ZFHX3: variants seen among roughly 807,000 people sequenced by gnomAD.
The protein encoded by ZFHX3 is zinc finger homeobox 3.
A neutral mutation model predicts 279.1 loss-of-function variants in ZFHX3; 42 were observed. That is an observed-to-expected ratio of 0.15 (90% CI 0.12 to 0.19). ZFHX3 has a LOEUF of 0.19. Among genes scored for constraint, ZFHX3 ranks in the 10% least tolerant of loss-of-function variants. The probability of loss-of-function intolerance (pLI) is 1.00; values close to 1 mark genes in which losing one functional copy is unlikely to be tolerated. For missense variants in ZFHX3, 4,981 were observed against 4,754.0 expected (o/e 1.05, Z -1.40); for synonymous variants, 2,293 against 1,957.8 (o/e 1.17, Z -4.52).
At chr16:73,820,098 C>A (rs1016069568) in intron 1 of ZFHX3, among the ~76,000 whole-genome samples, 1 of 151,030 alleles carries the variant, frequency 6.6e-6, no homozygotes, top group Non-Finnish European at 1.5e-5. Context: ...GGGAGTAAGT[C>A]TTTTTTTTTG....
chr16:73,589,854 C>T (rs2051975753), intron 2 of ZFHX3, among the ~76,000 whole-genome samples: 1 of 143,716 alleles, frequency 7.0e-6, no homozygotes, highest in African/African-American at 2.6e-5. Flanking sequence ...AATGCCTGAA[C>T]ACTGAAAGTA....
rs374416547 is a variant in ZFHX3, at chr16:72,787,694, AGCC to A, written c.10579_10581del (p.Gly3527del). ...CTCTCGCACGCCAGGCAGTGGTACG[AGCC>A]GCCGCCGCCGCCGCCGCCGCCACCG... On this transcript the variant is annotated inframe_deletion, in exon 10 of 10. Transcript: ENST00000268489. The A allele has an allele frequency of 1.7e-3, 2,363 of 1,407,388 alleles. 11 individuals are homozygous for A. The highest frequency in any genetic ancestry group is 0.016 in the East Asian group (525 of 32,994). The allele number at this position is 1,407,388 out of a possible 1,614,324, so 87.2% of individuals were successfully genotyped here. A position where few individuals can be genotyped will look rare whatever the true frequency, so the allele number is the denominator to read the frequency against.
intron 4 of ZFHX3, among the ~76,000 whole-genome samples, chr16:72,871,382 G>A (rs780615773): frequency 2.1e-5 from 3 of 141,390 alleles, no homozygotes; most frequent in Non-Finnish European, 3.0e-5. Flanking sequence ...TCACTCTGTT[G>A]CCAGGCTGGA....
intron 1 of ZFHX3, among the ~76,000 whole-genome samples, chr16:73,889,629 A>G (rs980616652): frequency 1.2e-4 from 18 of 152,220 alleles, no homozygotes; most frequent in Non-Finnish European, 1.9e-4. Flanking sequence ...CAAAGGAGGC[A>G]AGTGGATTCA....
At chr16:73,180,855 G>A (rs761766718) in intron 5 of ZFHX3, among the ~76,000 whole-genome samples, 3 of 151,970 alleles carry the variant, frequency 2.0e-5, no homozygotes, top group Non-Finnish European at 4.4e-5. Context: ...TTGAGACAGG[G>A]TTTCACCATT....
chr16:73,325,156 G>T (rs777826190), intron 3 of ZFHX3, among the ~76,000 whole-genome samples: 9 of 152,164 alleles, frequency 5.9e-5, no homozygotes, highest in Non-Finnish European at 1.2e-4. Flanking sequence ...CAGGCAAGAG[G>T]CAATATGGTA....
At position 72,794,957 on chromosome 16, in the gene ZFHX3, C is replaced by T. The variant is rs764026645; in HGVS notation, c.7725G>A (p.Met2575Ile). ...FLDRSLDMPF[M>I]LFDPSNPLLA... ...GGAGTGGGTTACTGGGATCAAAGAG[C>T]ATGAAAGGCATATCCAGGGACCTGT... is the stretch of plus-strand genomic sequence containing the variant. The change falls in exon 9 of 10, where the codon ATG (methionine) becomes ATA (isoleucine). Residue 2575 changes from methionine to isoleucine, a missense_variant. By Grantham distance (10) the Met-to-Ile change is conservative (BLOSUM62 1). This residue lies in a region of ZFHX3 where 744 missense variants were observed against 701.3 expected (regional missense o/e 1.06). Coordinates refer to ENST00000268489, the MANE Select transcript of ZFHX3 (RefSeq NM_006885.4). This position sits in a 1 kb window ranked among gnomAD's most constrained non-coding sequence, Gnocchi z 4.2. The T allele has an allele frequency of 1.2e-6, 2 of 1,614,156 alleles. No individual in the cohort carries two copies. The highest frequency in any genetic ancestry group is 1.3e-5 in the African/African-American group (1 of 75,042).
chr16:73,049,037 A>C (rs1303717401), upstream of ZFHX3, among the ~76,000 whole-genome samples: 1 of 152,148 alleles, frequency 6.6e-6, no homozygotes, highest in Non-Finnish European at 1.5e-5. Context: ...CGGCCACCCC[A>C]GTTGGTCAAA....
At chr16:73,546,277 G>C (rs2020106697) in intron 2 of ZFHX3, among the ~76,000 whole-genome samples, 1 of 151,484 alleles carries the variant, frequency 6.6e-6, no homozygotes, top group Non-Finnish European at 1.5e-5. Flanking sequence ...TTTTCCCCTC[G>C]ATTTATTAAA....
At chr16:73,175,186 C>A (rs1967633870) in intron 5 of ZFHX3, among the ~76,000 whole-genome samples, 1 of 152,104 alleles carries the variant, frequency 6.6e-6, no homozygotes, top group African/African-American at 2.4e-5. Context: ...TCGAGACCAG[C>A]CTGGCCAACA....
At chr16:73,756,120 A>G (rs950210904) in intron 1 of ZFHX3, among the ~76,000 whole-genome samples, 42 of 152,222 alleles carry the variant, frequency 2.8e-4, no homozygotes, top group African/African-American at 9.6e-4. Context: ...AAGAAAATCA[A>G]TGAAGAGTTA....
intron 1 of ZFHX3, among the ~76,000 whole-genome samples, chr16:73,822,478 C>T (rs1960774278): frequency 6.6e-6 from 1 of 151,896 alleles, no homozygotes; most frequent in Non-Finnish European, 1.5e-5. Context: ...CACTTGGTGG[C>T]TTTTCTCAGG....
chr16:73,391,953 T>C (rs2017021720), intron 3 of ZFHX3, among the ~76,000 whole-genome samples: 1 of 152,058 alleles, frequency 6.6e-6, no homozygotes, highest in Admixed American at 6.6e-5. Context: ...GTAAACAGAA[T>C]ATACTACATG....
intron 2 of ZFHX3, among the ~76,000 whole-genome samples, chr16:73,485,068 A>G (rs553334955): frequency 6.6e-6 from 1 of 152,202 alleles, no homozygotes; most frequent in Non-Finnish European, 1.5e-5. Flanking sequence ...GTAAAGAAAG[A>G]AGTAATGGCT....
intron 4 of ZFHX3, among the ~76,000 whole-genome samples, chr16:72,870,193 G>A (rs180809307): frequency 6.6e-6 from 1 of 151,760 alleles, no homozygotes; most frequent in Admixed American, 6.6e-5. Flanking sequence ...GGAGTTCAAG[G>A]CCAGCCTGGG....
chr16:73,120,470 C>T (rs540901311), intron 7 of ZFHX3, among the ~76,000 whole-genome samples: 3 of 152,016 alleles, frequency 2.0e-5, no homozygotes, highest in African/African-American at 7.2e-5. Flanking sequence ...GACAGGGTCT[C>T]ACTCCATTGC....
chr16:73,260,082 C>T (rs1476263180), intron 4 of ZFHX3, among the ~76,000 whole-genome samples: 1 of 152,092 alleles, frequency 6.6e-6, no homozygotes, highest in African/African-American at 2.4e-5. Flanking sequence ...ATTCTTTAGT[C>T]CTTTTTTTCT....
intron 1 of ZFHX3, among the ~76,000 whole-genome samples, chr16:73,702,490 C>T (rs1315116475): frequency 2.0e-5 from 3 of 152,126 alleles, no homozygotes; most frequent in Non-Finnish European, 2.9e-5. Context: ...TTTGTGGAAC[C>T]TTCCTCGAAA....
intron 1 of ZFHX3, among the ~76,000 whole-genome samples, chr16:73,795,244 A>G (rs1198732094): frequency 6.6e-6 from 1 of 152,192 alleles, no homozygotes; most frequent in Non-Finnish European, 1.5e-5. Flanking sequence ...TCCAGACTCC[A>G]AAGACTATTC....
Sources: gnomAD v4.1 joint callset for allele counts (sites outside exome capture counted in the v4.1 genomes callset) on GRCh38, gnomAD v4.1.1 for gene constraint, gnomAD v4.1.1 regional missense constraint, Gnocchi (gnomAD v3.1) non-coding constraint, MANE v1.5 for transcripts, NCBI Gene and HGNC (gene_info 2026-07-23, HGNC 2026-07-21) for gene names.